Variants in CCDC192 observed in about 807,000 individuals in gnomAD.
The protein encoded by CCDC192 is coiled-coil domain-containing protein 192.
chr5:127,710,325 T>A (rs1464297718), intron 2 of CCDC192, among the ~76,000 whole-genome samples: 1 of 152,074 alleles, frequency 6.6e-6, no homozygotes, highest in Admixed American at 6.6e-5. Context: ...GAATTGCAGG[T>A]GGATCTCAGT....
chr5:127,897,830 T>C (rs1752935726), intron 6 of CCDC192, among the ~76,000 whole-genome samples: 1 of 152,204 alleles, frequency 6.6e-6, no homozygotes, highest in Admixed American at 6.5e-5. Context: ...GTAGTTTACT[T>C]CAAAAGTAAC....
At chr5:127,909,937 A>G (rs1231527061) in intron 6 of CCDC192, among the ~76,000 whole-genome samples, 1 of 152,212 alleles carries the variant, frequency 6.6e-6, no homozygotes, top group African/African-American at 2.4e-5. Flanking sequence ...CAAGGATCAA[A>G]TTTCCGTATT....
At chr5:127,809,678 C>A (rs997226123) in intron 5 of CCDC192, among the ~76,000 whole-genome samples, 28 of 152,138 alleles carry the variant, frequency 1.8e-4, no homozygotes, top group African/African-American at 6.8e-4. Flanking sequence ...GCTAGTATTG[C>A]ATATAGTTTT....
intron 2 of CCDC192, among the ~76,000 whole-genome samples, chr5:127,742,646 G>A (rs533055091): frequency 6.6e-6 from 1 of 152,002 alleles, no homozygotes; most frequent in South Asian, 2.1e-4. Context: ...AAATAATTAG[G>A]GTTAGTTCTC....
At position 127,873,469 on chromosome 5, in the gene CCDC192, C is replaced by T. The variant is rs73785705; in HGVS notation, c.412-2069C>T. 6.2e-3 allele frequency among the ~76,000 whole-genome samples: 948 copies of T among 152,230 alleles called. 8 individuals carry two copies. Among genetic ancestry groups the T allele is most frequent in the African/African-American group, 0.022 (910 of 41,538 alleles). On this transcript the variant is annotated intron_variant, in intron 5 of 6. Coordinates refer to ENST00000514853, the MANE Select transcript of CCDC192 (RefSeq NM_001317938.2). ...ATATTTTACTATCTTCGGTTTAACA[C>T]GTATCTATTGTTTCTCTATCAAACT...
intron 2 of CCDC192, among the ~76,000 whole-genome samples, chr5:127,724,861 A>G (rs1047810067): frequency 2.2e-4 from 33 of 151,630 alleles, no homozygotes; most frequent in South Asian, 8.3e-4. Flanking sequence ...AAAAAAAAAA[A>G]AAGAAGAAAA....
intron 2 of CCDC192, among the ~76,000 whole-genome samples, chr5:127,743,073 G>T (rs1392299696): frequency 6.6e-6 from 1 of 151,992 alleles, no homozygotes; most frequent in Non-Finnish European, 1.5e-5. Context: ...GGCTTGATGA[G>T]TTCAGCCCAA....
chr5:127,814,336 C>A (rs1459455745), intron 5 of CCDC192, among the ~76,000 whole-genome samples: 1 of 152,122 alleles, frequency 6.6e-6, no homozygotes, highest in Admixed American at 6.6e-5. Flanking sequence ...AAGTTATGTC[C>A]AGTTTGAGCC....
In CCDC192 at chr5:127,844,572, C is replaced by T. The variant is rs143361520; in HGVS notation, c.412-30966C>T. Among the ~76,000 whole-genome samples the T allele has an allele frequency of 3.5e-3, 540 of 152,308 alleles. 5 individuals carry two copies. Among genetic ancestry groups the T allele is most frequent in the African/African-American group, 0.012 (503 of 41,550 alleles). On this transcript the variant is annotated intron_variant, in intron 5 of 6. Transcript: ENST00000514853. The stretch of plus-strand genomic sequence containing the variant: ...CTGCTCCTGCCCAGGTCACTCTGAG[C>T]GACCCGGTGAATCTTTCTCATCCAG...
intron 3 of CCDC192, among the ~76,000 whole-genome samples, chr5:127,772,933 C>T (rs1395769156): frequency 6.6e-6 from 1 of 152,086 alleles, no homozygotes. Flanking sequence ...GAGGGAATAG[C>T]TATCTGGCAG....
At chr5:127,755,317 C>A (rs146313944) in intron 3 of CCDC192, among the ~76,000 whole-genome samples, 215 of 152,162 alleles carry the variant, frequency 1.4e-3, no homozygotes, top group African/African-American at 4.7e-3. Flanking sequence ...TTAGCGGAAA[C>A]TAAGGAGGAA....
At chr5:127,762,002 G>A (rs1754959955) in intron 3 of CCDC192, among the ~76,000 whole-genome samples, 2 of 151,980 alleles carry the variant, frequency 1.3e-5, no homozygotes, top group Admixed American at 6.6e-5. Context: ...CTGAATTTGT[G>A]TATTGAGTGG....
At chr5:127,911,213 G>T (rs1459279289) in intron 6 of CCDC192, among the ~76,000 whole-genome samples, 3 of 152,166 alleles carry the variant, frequency 2.0e-5, no homozygotes, top group Admixed American at 2.0e-4. Flanking sequence ...TCCATTGTGG[G>T]TCATAAAATT....
At chr5:127,920,653 C>T (rs1753684866) in intron 6 of CCDC192, among the ~76,000 whole-genome samples, 1 of 151,946 alleles carries the variant, frequency 6.6e-6, no homozygotes, top group South Asian at 2.1e-4. Context: ...TCAGGTGATC[C>T]ACCCACCTTG....
chr5:127,800,386 A>AC lies in CCDC192; in HGVS notation c.411+2224_411+2225insC, dbSNP rs1561495682. ...GCTAAGAGGTATTCTGAAAAAAAAAAAAAAAAAAAAAAAAACAACAACAAC... is the reference window on the plus strand; with the variant it reads ...GCTAAGAGGTATTCTGAAAAAAAAAACAAAAAAAAAAAAAAACAACAACAAC... On this transcript the variant is annotated intron_variant, in intron 5 of 6. Transcript: ENST00000514853. 1.9e-4 allele frequency among the ~76,000 whole-genome samples: 26 copies of AC among 138,226 alleles called. 1 individual carries two copies. Among genetic ancestry groups the AC allele is most frequent in the African/African-American group, 6.1e-4 (24 of 39,182 alleles). 90.7% of individuals were successfully genotyped at this position (138,226 alleles called of 152,430 possible). A position where few individuals can be genotyped will look rare whatever the true frequency, so the allele number is the denominator to read the frequency against.
intron 6 of CCDC192, among the ~76,000 whole-genome samples, chr5:127,925,680 C>A (rs924951096): frequency 2.0e-5 from 3 of 152,130 alleles, no homozygotes; most frequent in African/African-American, 7.2e-5. Context: ...TTTGTAAGTT[C>A]TTCCTCTCAA....
At chr5:127,773,031 G>A (rs1048336769) in intron 3 of CCDC192, among the ~76,000 whole-genome samples, 1 of 152,028 alleles carries the variant, frequency 6.6e-6, no homozygotes, top group East Asian at 1.9e-4. Context: ...TGATATTTGA[G>A]GAGAAAGTTG....
chr5:127,709,202 G>GA (rs1751168365), intron 2 of CCDC192, among the ~76,000 whole-genome samples: 2 of 85,766 alleles, frequency 2.3e-5, no homozygotes, highest in East Asian at 5.6e-4. Context: ...GGAGAGAGGG[G>GA]GAGAGAGAGA....
intron 6 of CCDC192, among the ~76,000 whole-genome samples, chr5:127,919,555 G>A (rs1753647487): frequency 6.6e-6 from 1 of 152,088 alleles, no homozygotes; most frequent in South Asian, 2.1e-4. Context: ...TCTTGTCTCA[G>A]TGCTTCGGTA....
Sources: allele counts gnomAD v4.1 joint callset (sites outside exome capture counted in the v4.1 genomes callset), GRCh38; gene constraint gnomAD v4.1.1; transcripts MANE v1.5; gene names NCBI Gene and HGNC (gene_info 2026-07-23, HGNC 2026-07-21).